SPRTN: variants seen among roughly 807,000 people sequenced by gnomAD.
SPRTN encodes the protein SprT-like N-terminal domain, also known as DNA-dependent metalloprotease SPRTN.
SPRTN carries 11 observed loss-of-function variants against 31.9 expected under a neutral mutation model. That is an observed-to-expected ratio of 0.34 (90% CI 0.22 to 0.57). The LOEUF (loss-of-function observed/expected upper bound fraction) is 0.57. SPRTN is among the 20% of genes least tolerant of loss of function. The pLI is 0.86. For missense variants in SPRTN, 482 were observed against 590.1 expected, an observed-to-expected ratio of 0.82 and a Z score of 1.90; for synonymous variants, 185 against 212.1, an observed-to-expected ratio of 0.87 and a Z score of 1.11.
intron 4 of SPRTN, chr1:231,352,397 G>T: frequency 8.2e-7 from 1 of 1,226,270 alleles, no homozygotes; most frequent in Non-Finnish European, 1.0e-6. Flanking sequence ...TTAAATATGA[G>T]AGAATTTTTT....
intron 2 of SPRTN, among the ~76,000 whole-genome samples, chr1:231,340,276 A>G (rs1558361220): frequency 6.6e-6 from 1 of 151,956 alleles, no homozygotes. Context: ...CTGAGGCAGG[A>G]GAATGGCATG....
In SPRTN at chr1:231,353,456, G is replaced by C; in HGVS notation, c.*95G>C. On this transcript the variant is annotated 3_prime_UTR_variant, in exon 5 of 5. Transcript: ENST00000295050. ...TTCTGGTTAATACTAAGATTTGTAGGTTATAATCTAGTTCACATAACCAAT... is the reference window on the plus strand; with the variant it reads ...TTCTGGTTAATACTAAGATTTGTAGCTTATAATCTAGTTCACATAACCAAT... 2 of 1,461,674 alleles carry C rather than the reference G, an allele frequency of 1.4e-6. No individual in the cohort carries two copies. Among genetic ancestry groups the C allele is most frequent in the South Asian group, 1.5e-5 (1 of 67,432 alleles). 90.5% of individuals were successfully genotyped at this position (1,461,674 alleles called of 1,614,324 possible).
intron 2 of SPRTN, chr1:231,340,128 C>T (rs922597100): frequency 1.5e-5 from 4 of 272,954 alleles, no homozygotes; most frequent in South Asian, 1.3e-4. Flanking sequence ...TTTGGGAGGC[C>T]GAGGCGGGCG....
intron 3 of SPRTN, 66 bp from the exon 4 acceptor site, chr1:231,351,238 A>C (rs1487279942): frequency 2.4e-5 from 30 of 1,224,994 alleles, no homozygotes; most frequent in Non-Finnish European, 3.1e-5. Flanking sequence ...AAGACTGCTT[A>C]TGTAAATTGT....
rs565116648 is a variant in SPRTN, at chr1:231,354,028, C to T, written c.*667C>T. ...GAATATTTTTAGTAACAAATAGCCA[C>T]TATAATTCTGTAGGCCAAATTTTAT... On this transcript the variant is annotated 3_prime_UTR_variant, in exon 5 of 5. Transcript: ENST00000295050. 97 of 957,770 alleles carry T rather than the reference C, an allele frequency of 1.0e-4. No individual in the cohort carries two copies. In the South Asian group the frequency reaches 3.8e-3, roughly 38 times the overall value. The allele number at this position is 957,770 out of a possible 1,614,324, so 59.3% of individuals were successfully genotyped here. A position where few individuals can be genotyped will look rare whatever the true frequency, so the allele number is the denominator to read the frequency against.
chr1:231,349,432 C>T (rs1687156553), intron 3 of SPRTN, among the ~76,000 whole-genome samples: 1 of 152,196 alleles, frequency 6.6e-6, no homozygotes, highest in South Asian at 2.1e-4. Context: ...TATAGACTTG[C>T]TTGTATAAAA....
Position 231,339,736 on chromosome 1 carries a change from A to G in SPRTN, c.222-33A>G, listed in dbSNP as rs200071813. ...GTAAGGACTTGGGCATATTTGGCCA[A>G]TGTAACACATTTTTATGGTGATTGT... On this transcript the variant is annotated intron_variant, in intron 1 of 4. Transcript: ENST00000295050. 1.3e-4 allele frequency: 212 copies of G among 1,611,184 alleles called. No individual in the cohort carries two copies. The African/African-American group carries it at 2.2e-3, about 17-fold the overall frequency.
chr1:231,338,861 A>T (rs1466666169), intron 1 of SPRTN, among the ~76,000 whole-genome samples: 1 of 152,214 alleles, frequency 6.6e-6, no homozygotes. Context: ...AGAGATTTTT[A>T]TTTGAATCTC....
chr1:231,338,691 C>G, intron 1 of SPRTN, 87 bp downstream of exon 1: 2 of 1,511,710 alleles, frequency 1.3e-6, no homozygotes, highest in Non-Finnish European at 1.8e-6. Context: ...TTTCTCTAGT[C>G]CGACGGTCCC....
At chr1:231,343,607 CTT>C (rs1558363364) in intron 2 of SPRTN, among the ~76,000 whole-genome samples, 1 of 152,224 alleles carries the variant, frequency 6.6e-6, no homozygotes, top group Non-Finnish European at 1.5e-5. Flanking sequence ...GTGTGTCAGA[CTT>C]TGGACTAAAC....
intron 2 of SPRTN, among the ~76,000 whole-genome samples, chr1:231,345,869 T>G (rs1687041793): frequency 6.6e-6 from 1 of 152,184 alleles, no homozygotes; most frequent in South Asian, 2.1e-4. Flanking sequence ...TTGTCCAGGC[T>G]GGAGGTAATC....
At position 231,338,411 on chromosome 1, in the gene SPRTN, C is replaced by A; in HGVS notation, c.28C>A (p.Arg10=). 1 of 1,614,254 alleles carries A rather than the reference C, an allele frequency of 6.2e-7. No individual in the cohort carries two copies. The highest frequency in any genetic ancestry group is 2.2e-5 in the East Asian group (1 of 44,888). MDDDLMLAL[R]LQEEWNLQEA... ...GGATGATGACTTGATGTTGGCACTG[C>A]GGCTTCAGGAGGAGTGGAACTTGCA... is the stretch of plus-strand genomic sequence containing the variant. The change falls in exon 1 of 5, where the codon CGG becomes AGG. Residue 10 remains arginine (R), a synonymous_variant. Coordinates refer to ENST00000295050, the MANE Select transcript of SPRTN (RefSeq NM_032018.7).
chr1:231,349,160 T>A (rs989918453), intron 3 of SPRTN, among the ~76,000 whole-genome samples: 1 of 152,030 alleles, frequency 6.6e-6, no homozygotes, highest in African/African-American at 2.4e-5. Flanking sequence ...TTTTTTTTTT[T>A]AGAGACAGGG....
intron 2 of SPRTN, among the ~76,000 whole-genome samples, chr1:231,341,000 A>AT (rs1343217145): frequency 1.1e-4 from 17 of 151,888 alleles, no homozygotes; most frequent in Admixed American, 2.0e-4. Context: ...AATTTTGTTA[A>AT]TTTTTTTTAC....
Position 231,338,569 on chromosome 1 carries a change from G to A in SPRTN, c.186G>A (p.Glu62=). The A allele has an allele frequency of 6.2e-7, 1 of 1,614,258 alleles. No individual in the cohort carries two copies. The part of the protein sequence containing the change: ...FNDQFFWGQL[E]AVEVKWSVRM... ...ACCAATTCTTCTGGGGCCAGCTGGAGGCCGTCGAGGTGAAGTGGAGCGTGC... is the reference window on the plus strand; with the variant it reads ...ACCAATTCTTCTGGGGCCAGCTGGAAGCCGTCGAGGTGAAGTGGAGCGTGC... The change falls in exon 1 of 5, where the codon GAG becomes GAA. Residue 62 remains glutamate (E), a synonymous_variant. Transcript: ENST00000295050.
chr1:231,340,508 T>A (rs976421621), intron 2 of SPRTN, among the ~76,000 whole-genome samples: 7 of 152,210 alleles, frequency 4.6e-5, no homozygotes, highest in African/African-American at 1.7e-4. Context: ...AGTTACTTAT[T>A]TAGAAACAGA....
In SPRTN at chr1:231,352,800, A is replaced by G; in HGVS notation, c.909A>G (p.Lys303=). Residue 303 remains lysine, a synonymous_variant, in exon 5 of 5, where the codon AAA becomes AAG. Coordinates refer to ENST00000295050, the MANE Select transcript of SPRTN (RefSeq NM_032018.7). ...GACCTAATTCTAAAATCAAGGTGAA[A>G]TTTGAACAGAATGGTTCAAGTAAAA... The part of the protein sequence containing the change: ...AVRPNSKIKV[K]FEQNGSSKNS... 1 of 1,613,828 alleles carries G rather than the reference A, an allele frequency of 6.2e-7. No homozygotes were observed. Among genetic ancestry groups the G allele is most frequent in the Non-Finnish European group, 8.5e-7 (1 of 1,179,920 alleles).
chr1:231,338,351 C>CCAG lies in SPRTN; in HGVS notation c.-33_-32insCAG, dbSNP rs1419076661. 2 of 1,608,716 alleles carry CCAG rather than the reference C, an allele frequency of 1.2e-6. No individual in the cohort carries two copies. Among genetic ancestry groups the CCAG allele is most frequent in the Non-Finnish European group, 8.5e-7 (1 of 1,176,800 alleles). On this transcript the variant is annotated 5_prime_UTR_variant, in exon 1 of 5. Transcript: ENST00000295050. ...CGGCGTAACTGGGGAGCCAGCCTGA[C>CCAG]GCCGGCGGACCCCGCCTGTGATCCT...
intron 2 of SPRTN, among the ~76,000 whole-genome samples, chr1:231,342,129 G>A (rs552678463): frequency 3.9e-5 from 6 of 151,980 alleles, no homozygotes; most frequent in African/African-American, 1.4e-4. Context: ...ATGAATAAGC[G>A]GAAAAAAATA....
Sources: allele counts gnomAD v4.1 joint callset (sites outside exome capture counted in the v4.1 genomes callset), GRCh38; gene constraint gnomAD v4.1.1; transcripts MANE v1.5; gene names NCBI Gene and HGNC (gene_info 2026-07-23, HGNC 2026-07-21).